HEATR4: variants seen among roughly 807,000 people sequenced by gnomAD.
The protein encoded by HEATR4 is HEAT repeat containing 4, also known as HEAT repeat-containing protein 4.
In HEATR4, 95 loss-of-function variants were observed where a neutral mutation model predicts 108.8. The ratio of observed to expected loss-of-function variants is 0.87; its 90% CI spans 0.74 to 1.04. The LOEUF (loss-of-function observed/expected upper bound fraction) is 1.04, where lower values mean the gene tolerates loss of function less well. Among genes scored for constraint, HEATR4 ranks in the 50% least tolerant of loss-of-function variants. The pLI is 0.00. For synonymous variants in HEATR4, 443 were observed against 459.4 expected (o/e 0.96, Z 0.46); for missense variants, 1,152 against 1,253.8 (o/e 0.92, Z 1.23).
At chr14:73,589,531 C>T in the HEATR4 span, among the ~76,000 whole-genome samples, 2 of 152,130 alleles carry the variant, frequency 1.3e-5, no homozygotes, top group East Asian at 3.9e-4. Context: ...GTTGGACAGG[C>T]TCGTCTAGAT....
rs779351456 is a variant in HEATR4, at chr14:73,556,053, C to A, written c.-152+2698G>T. 3.5e-5 allele frequency among the ~76,000 whole-genome samples: 4 copies of A among 114,522 alleles called. 1 individual carries two copies. Among genetic ancestry groups the A allele is most frequent in the Non-Finnish European group, 7.7e-5 (4 of 52,162 alleles). The allele number at this position is 114,522 out of a possible 152,430, so 75.1% of individuals were successfully genotyped here. On this transcript the variant is annotated intron_variant, in intron 1 of 17. Transcript: ENST00000553558. ...GTGTCCGCAGATAAATGCCCTTTAG[C>A]CTTTGACATAAAGAATCTTTAGTTA...
At chr14:73,604,783 A>G in the HEATR4 span, among the ~76,000 whole-genome samples, 4 of 152,178 alleles carry the variant, frequency 2.6e-5, no homozygotes, top group Non-Finnish European at 4.4e-5. Context: ...CACCATGCCC[A>G]GCTAGCCAGT....
rs781283201 is a variant in HEATR4 at position 73,502,888 on chromosome 14, G to C, written c.2105+7C>G. The C allele has an allele frequency of 1.2e-6, 2 of 1,601,326 alleles. No individual in the cohort carries two copies. The highest frequency in any genetic ancestry group is 1.3e-5 in the African/African-American group (1 of 74,742). On this transcript the variant is annotated splice_region_variant and intron_variant, in intron 11 of 17. Transcript: ENST00000553558. ...AAGAGTGTCTCCTCATGTTGACTGG[G>C]TCTTACCTGATTATGTCGTGCACCT...
intron 17 of HEATR4, chr14:73,491,534 G>T: frequency 6.5e-7 from 1 of 1,529,608 alleles, no homozygotes; most frequent in Non-Finnish European, 8.8e-7. Context: ...GCCGCAGGTG[G>T]ATAACACGGG....
chr14:73,502,120 C>T, intron 11 of HEATR4, among the ~76,000 whole-genome samples: 1 of 150,814 alleles, frequency 6.6e-6, no homozygotes. Context: ...TCTCGAACTC[C>T]TGGGCTCAAT....
chr14:73,624,706 C>T, the HEATR4 span, among the ~76,000 whole-genome samples: 2 of 152,200 alleles, frequency 1.3e-5, no homozygotes, highest in Non-Finnish European at 2.9e-5. Flanking sequence ...CTACAGCAGA[C>T]GTAAATCCCA....
At chr14:73,578,733 C>G in the HEATR4 span, among the ~76,000 whole-genome samples, 57 of 151,034 alleles carry the variant, frequency 3.8e-4, no homozygotes, top group African/African-American at 1.3e-3. Flanking sequence ...GTGGGCAGAT[C>G]ACCTGAGGTC....
intron 1 of HEATR4, among the ~76,000 whole-genome samples, chr14:73,535,464 TC>T (rs1566848256): frequency 2.3e-5 from 1 of 44,004 alleles, no homozygotes. Flanking sequence ...TTCTTTTTCT[TC>T]TTTCTTTTTT....
chr14:73,620,370 C>T, the HEATR4 span, among the ~76,000 whole-genome samples: 5 of 152,156 alleles, frequency 3.3e-5, no homozygotes, highest in Non-Finnish European at 5.9e-5. Context: ...TATGTAGGAC[C>T]GGTCTTCACC....
the HEATR4 span, among the ~76,000 whole-genome samples, chr14:73,621,736 T>C: frequency 6.6e-6 from 1 of 151,744 alleles, no homozygotes; most frequent in Non-Finnish European, 1.5e-5. Context: ...ATTCACCTTG[T>C]AGTATAATTT....
chr14:73,525,840 CT>C (rs1888293917), intron 2 of HEATR4, among the ~76,000 whole-genome samples: 1 of 151,896 alleles, frequency 6.6e-6, no homozygotes, highest in East Asian at 1.9e-4. Flanking sequence ...ATAATCCCAG[CT>C]ACTTGGGAGG....
At chr14:73,561,041 A>G (rs540596154), upstream of HEATR4, among the ~76,000 whole-genome samples, 3 of 152,226 alleles carry the variant, frequency 2.0e-5, no homozygotes, top group Non-Finnish European at 4.4e-5. Flanking sequence ...TGTGGAAGAT[A>G]CATACAACAG....
chr14:73,603,087 T>G, the HEATR4 span, among the ~76,000 whole-genome samples: 1 of 152,224 alleles, frequency 6.6e-6, no homozygotes, highest in Non-Finnish European at 1.5e-5. Context: ...CAATTTTTAA[T>G]TTTAATGTAA....
chr14:73,506,548 A>G lies in HEATR4; in HGVS notation c.1905T>C (p.Ala635=), dbSNP rs1886841214. The change falls in exon 10 of 18, where the codon GCT becomes GCC. Residue 635 remains alanine (A), a synonymous_variant. Coordinates refer to ENST00000553558, the MANE Select transcript of HEATR4 (RefSeq NM_001220484.1). ...TCCATTGACAGCTGTTCAGCTCCAC[A>G]GCAAGCATGGTGTGTATCAGGGTCT... ...EKTTLIHTML[A]VELNSCQWKN... 6.2e-7 allele frequency: 1 copy of G among 1,613,690 alleles called. No individual in the cohort carries two copies. The highest frequency in any genetic ancestry group is 1.1e-5 in the South Asian group (1 of 91,084).
chr14:73,585,698 TAAAA>T, the HEATR4 span, among the ~76,000 whole-genome samples: 41 of 102,134 alleles, frequency 4.0e-4, no homozygotes, highest in South Asian at 7.9e-4. Context: ...CCAAAAAAAT[TAAAA>T]TAAAAAAGTA....
intron 1 of HEATR4, among the ~76,000 whole-genome samples, chr14:73,556,601 G>T (rs1188947203): frequency 2.6e-5 from 3 of 113,572 alleles, no homozygotes; most frequent in Non-Finnish European, 5.8e-5. Context: ...GTCTGTCTTG[G>T]AGTCACGGGA....
At chr14:73,583,493 G>A in the HEATR4 span, among the ~76,000 whole-genome samples, 10 of 151,862 alleles carry the variant, frequency 6.6e-5, no homozygotes, top group Admixed American at 1.3e-4. Flanking sequence ...ATAGAGCTGA[G>A]CAGGGAAGGA....
At chr14:73,576,030 G>A in the HEATR4 span, among the ~76,000 whole-genome samples, 1 of 152,022 alleles carries the variant, frequency 6.6e-6, no homozygotes, top group African/African-American at 2.4e-5. Flanking sequence ...GCAGGCACCT[G>A]TAGTCACAGC....
the HEATR4 span, chr14:73,569,977 C>T: frequency 6.9e-7 from 1 of 1,459,314 alleles, no homozygotes; most frequent in African/African-American, 1.4e-5. Flanking sequence ...TATGCCCCCC[C>T]GCCGCGCCCC....
Sources: allele counts gnomAD v4.1 joint callset (sites outside exome capture counted in the v4.1 genomes callset), GRCh38; gene constraint gnomAD v4.1.1; transcripts MANE v1.5; gene names NCBI Gene and HGNC (gene_info 2026-07-23, HGNC 2026-07-21).